Variants in CTNNBIP1 observed in about 807,000 individuals in gnomAD.
The protein encoded by CTNNBIP1 is catenin beta interacting protein 1, also known as beta-catenin-interacting protein 1.
CTNNBIP1 carries 7 observed loss-of-function variants against 11.8 expected under a neutral mutation model. The observed-to-expected ratio is 0.60, with a 90% CI of 0.34 to 1.12. The LOEUF (loss-of-function observed/expected upper bound fraction) is 1.12, where lower values mean the gene tolerates loss of function less well. CTNNBIP1 is among the 50% of genes most tolerant of loss of function. The probability of loss-of-function intolerance (pLI) is 0.03; values close to 1 mark genes in which losing one functional copy is unlikely to be tolerated. For synonymous variants in CTNNBIP1, 58 were observed against 43.9 expected (o/e 1.32, Z -1.26); for missense variants, 101 against 113.4 (o/e 0.89, Z 0.50).
chr1:9,881,630 C>A (rs933648087), intron 2 of CTNNBIP1, among the ~76,000 whole-genome samples: 1 of 152,182 alleles, frequency 6.6e-6, no homozygotes, highest in Non-Finnish European at 1.5e-5. Flanking sequence ...TGAGCCACCA[C>A]GCTGGGCCCC....
intron 1 of CTNNBIP1, among the ~76,000 whole-genome samples, chr1:9,907,285 C>T (rs1639636937): frequency 6.6e-6 from 1 of 152,232 alleles, no homozygotes; most frequent in South Asian, 2.1e-4. Context: ...ATTCTCCTGC[C>T]TCAGCCTCTC....
chr1:9,854,299 T>G (rs1638455399), intron 5 of CTNNBIP1, among the ~76,000 whole-genome samples: 1 of 142,594 alleles, frequency 7.0e-6, no homozygotes, highest in South Asian at 2.3e-4. Context: ...ACCTGGGAGG[T>G]GGAGGTTGCA....
chr1:9,902,245 G>A (rs545655730), intron 1 of CTNNBIP1, among the ~76,000 whole-genome samples: 18 of 152,268 alleles, frequency 1.2e-4, no homozygotes, highest in African/African-American at 3.9e-4. Context: ...AGCGAGAGAC[G>A]TGTCGGGCAG....
chr1:9,858,550 A>T (rs895825853), intron 5 of CTNNBIP1, among the ~76,000 whole-genome samples: 1 of 152,098 alleles, frequency 6.6e-6, no homozygotes, highest in Admixed American at 6.5e-5. Flanking sequence ...CTCCAAGTTT[A>T]TCCCATGGTT....
chr1:9,908,007 T>G (rs1639650129), intron 1 of CTNNBIP1, among the ~76,000 whole-genome samples: 1 of 152,250 alleles, frequency 6.6e-6, no homozygotes, highest in South Asian at 2.1e-4. Context: ...TGGAATAAAA[T>G]CCAAACTCTT....
At chr1:9,904,095 G>A (rs72858064) in intron 1 of CTNNBIP1, among the ~76,000 whole-genome samples, 5,398 of 152,184 alleles carry the variant, frequency 0.035, 306 homozygotes, top group African/African-American at 0.12. Flanking sequence ...TTTTCTAAAT[G>A]AGCACGTATC....
intron 1 of CTNNBIP1, among the ~76,000 whole-genome samples, chr1:9,909,306 T>C (rs1454536550): frequency 6.6e-6 from 1 of 152,156 alleles, no homozygotes; most frequent in Admixed American, 6.6e-5. Flanking sequence ...CAGGAGGTGG[T>C]GCAAGCCACA....
intron 5 of CTNNBIP1, among the ~76,000 whole-genome samples, chr1:9,863,609 C>A (rs1175811164): frequency 1.3e-5 from 2 of 152,230 alleles, no homozygotes; most frequent in African/African-American, 4.8e-5. Context: ...ACCTACACTG[C>A]ACCAGAGGCG....
In CTNNBIP1 at chr1:9,872,140, T is replaced by C; in HGVS notation, c.-24-52A>G. 1.8e-6 allele frequency: 2 copies of C among 1,121,552 alleles called. No individual in the cohort carries two copies. Among genetic ancestry groups the C allele is most frequent in the South Asian group, 1.3e-5 (1 of 79,050 alleles). The allele number at this position is 1,121,552 out of a possible 1,614,324, so 69.5% of individuals were successfully genotyped here. Reference sequence around the variant, plus strand: ...GGGAAGAGATCAGGATGTGACATACTGGGACAATGACACCTGCTAGTGACC... The same window carrying C: ...GGGAAGAGATCAGGATGTGACATACCGGGACAATGACACCTGCTAGTGACC... On this transcript the variant is annotated intron_variant, in intron 3 of 5. Coordinates refer to ENST00000377263, the MANE Select transcript of CTNNBIP1 (RefSeq NM_020248.3). The surrounding 1 kb of genome is among the most constrained non-coding windows in gnomAD (Gnocchi z 4.0).
At chr1:9,892,118 C>G (rs983016625) in intron 1 of CTNNBIP1, among the ~76,000 whole-genome samples, 1 of 150,114 alleles carries the variant, frequency 6.7e-6, no homozygotes, top group African/African-American at 2.4e-5. Context: ...TACAAAAAAT[C>G]TTTAAAAGAT....
chr1:9,884,488 C>T (rs1179499228), intron 1 of CTNNBIP1, among the ~76,000 whole-genome samples: 1 of 152,086 alleles, frequency 6.6e-6, no homozygotes, highest in East Asian at 1.9e-4. Context: ...CCACCCGGAC[C>T]CACAGGCAAA....
At chr1:9,884,345 A>G (rs1272435345) in intron 1 of CTNNBIP1, among the ~76,000 whole-genome samples, 1 of 152,128 alleles carries the variant, frequency 6.6e-6, no homozygotes, top group Non-Finnish European at 1.5e-5. Flanking sequence ...CTGGGGAGGA[A>G]GAGAGCACCA....
Position 9,871,580 on chromosome 1 carries a change from C to A in CTNNBIP1, c.97-303G>T, listed in dbSNP as rs1638862062. On this transcript the variant is annotated intron_variant, in intron 4 of 5. Coordinates refer to ENST00000377263, the MANE Select transcript of CTNNBIP1 (RefSeq NM_020248.3). The surrounding 1 kb of genome is among the most constrained non-coding windows in gnomAD (Gnocchi z 5.2). ...GGAAGGCTGAGGGGCGATTCCATGT[C>A]CCTCCACTCTTTTTGAGAAATACCC... 6.6e-6 allele frequency among the ~76,000 whole-genome samples: 1 copy of A among 152,162 alleles called. No individual in the cohort carries two copies. Among genetic ancestry groups the A allele is most frequent in the African/African-American group, 2.4e-5 (1 of 41,438 alleles).
At chr1:9,897,481 A>C (rs919268200) in intron 1 of CTNNBIP1, among the ~76,000 whole-genome samples, 1 of 148,462 alleles carries the variant, frequency 6.7e-6, no homozygotes, top group Non-Finnish European at 1.5e-5. Context: ...ACAAAAACAA[A>C]ACAAAACAAA....
rs527570845 is a variant in CTNNBIP1, at chr1:9,871,415, C to A, written c.97-138G>T. On this transcript the variant is annotated intron_variant, in intron 4 of 5. Transcript: ENST00000377263. The surrounding 1 kb of genome is among the most constrained non-coding windows in gnomAD (Gnocchi z 5.2). Reference sequence around the variant, plus strand: ...GGGCTTCTGTTTCTGAGATTTGACCCCTTTGCTTTCAGGGCCAGCCCACCC... The same window carrying A: ...GGGCTTCTGTTTCTGAGATTTGACCACTTTGCTTTCAGGGCCAGCCCACCC... 8 of 703,896 alleles carry A rather than the reference C, an allele frequency of 1.1e-5. No homozygotes were observed. The highest frequency in any genetic ancestry group is 2.0e-5 in the Non-Finnish European group (8 of 405,670). The allele number at this position is 703,896 out of a possible 1,614,324, so 43.6% of individuals were successfully genotyped here. A position where few individuals can be genotyped will look rare whatever the true frequency, so the allele number is the denominator to read the frequency against.
At chr1:9,881,977 T>C (rs1032401871) in intron 2 of CTNNBIP1, among the ~76,000 whole-genome samples, 2 of 152,196 alleles carry the variant, frequency 1.3e-5, no homozygotes, top group African/African-American at 2.4e-5. Context: ...CAAAAAGATA[T>C]GTTAGGTCAA....
chr1:9,857,683 C>T (rs1638537507), intron 5 of CTNNBIP1, among the ~76,000 whole-genome samples: 1 of 152,060 alleles, frequency 6.6e-6, no homozygotes, highest in Admixed American at 6.6e-5. Flanking sequence ...CTCCTGTAGT[C>T]CCAGCTACTG....
intron 1 of CTNNBIP1, among the ~76,000 whole-genome samples, chr1:9,907,574 T>C (rs897247262): frequency 2.6e-5 from 4 of 152,212 alleles, no homozygotes; most frequent in Non-Finnish European, 5.9e-5. Flanking sequence ...ACAGTGGCAG[T>C]AATGTTCCCA....
At position 9,871,093 on chromosome 1, in the gene CTNNBIP1, T is replaced by C; in HGVS notation, c.187+94A>G. On this transcript the variant is annotated intron_variant, in intron 5 of 5. Transcript: ENST00000377263. This position sits in a 1 kb window ranked among gnomAD's most constrained non-coding sequence, Gnocchi z 5.2. ...AGCCCTGGGTCTCATGGATCACCCA[T>C]CAAAGAGGGCTGGAGCTACGCTTTC... 1.1e-6 allele frequency: 1 copy of C among 927,258 alleles called. No individual in the cohort carries two copies. Among genetic ancestry groups the C allele is most frequent in the Non-Finnish European group, 1.6e-6 (1 of 611,572 alleles). The allele number at this position is 927,258 out of a possible 1,614,324, so 57.4% of individuals were successfully genotyped here. A position where few individuals can be genotyped will look rare whatever the true frequency, so the allele number is the denominator to read the frequency against.
Sources: allele counts gnomAD v4.1 joint callset (sites outside exome capture counted in the v4.1 genomes callset), GRCh38; gene constraint gnomAD v4.1.1; non-coding constraint Gnocchi (gnomAD v3.1); transcripts MANE v1.5; gene names NCBI Gene and HGNC (gene_info 2026-07-23, HGNC 2026-07-21).